Variants in FRMPD4 observed in about 807,000 individuals in gnomAD.
FRMPD4 encodes FERM and PDZ domain containing 4.
FRMPD4 carries 22 observed loss-of-function variants against 94.1 expected under a neutral mutation model. That is an observed-to-expected ratio of 0.23 (90% confidence interval 0.17 to 0.33). The LOEUF (loss-of-function observed/expected upper bound fraction) is 0.33. Among genes scored for constraint, FRMPD4 ranks in the 10% least tolerant of loss-of-function variants. FRMPD4 has a pLI of 1.00. For synonymous variants in FRMPD4, 631 were observed against 548.6 expected (o/e 1.15, Z -2.10); for missense variants, 1,111 against 1,339.9 (o/e 0.83, Z 2.67).
At chrX:12,677,704 G>A (rs1427738781) in intron 5 of FRMPD4, among the ~76,000 whole-genome samples, 1 of 111,578 alleles carries the variant, frequency 9.0e-6, no homozygotes, top group African/African-American at 3.3e-5. Flanking sequence ...TAAAGATAGA[G>A]AGCCAATGTT....
intron 3 of FRMPD4, among the ~76,000 whole-genome samples, chrX:11,892,910 C>T (rs762493038): frequency 8.0e-5 from 9 of 111,863 alleles, no homozygotes; most frequent in Non-Finnish European, 1.5e-4. Context: ...TACGTATACC[C>T]GGACGTCAAA....
intron 3 of FRMPD4, among the ~76,000 whole-genome samples, chrX:11,887,716 G>T (rs760425902): frequency 3.7e-4 from 42 of 112,064 alleles, no homozygotes; most frequent in African/African-American, 1.3e-3. Context: ...TGGTAGGAAG[G>T]TAGTATTATA....
chrX:12,341,779 A>T (rs992304648), intron 1 of FRMPD4: 1 of 205,117 alleles, frequency 4.9e-6, no homozygotes, highest in African/African-American at 2.9e-5. Flanking sequence ...AACAAAATGT[A>T]TGAACAACCT....
At chrX:12,301,459 T>G (rs5978512) in intron 1 of FRMPD4, among the ~76,000 whole-genome samples, 20,965 of 110,662 alleles carry the variant, frequency 0.19, 1,818 homozygotes, top group Admixed American at 0.43. Flanking sequence ...GCTCTGCTCC[T>G]TGTCTCACAC....
intron 1 of FRMPD4, among the ~76,000 whole-genome samples, chrX:12,334,570 C>A (rs2055485765): frequency 9.3e-6 from 1 of 107,792 alleles, no homozygotes; most frequent in African/African-American, 3.5e-5. Context: ...TGTTCCTCTG[C>A]ATAAATAGGT....
At chrX:12,069,273 G>T (rs1259999876) in intron 3 of FRMPD4, among the ~76,000 whole-genome samples, 1 of 111,548 alleles carries the variant, frequency 9.0e-6, no homozygotes, top group Non-Finnish European at 1.9e-5. Flanking sequence ...AAGTACATTG[G>T]GCTGGTCATT....
Position 12,380,138 on chromosome X carries a change from G to A in FRMPD4, c.42-118542G>A, listed in dbSNP as rs112792540. Among the ~76,000 whole-genome samples the A allele has an allele frequency of 8.4e-4, 94 of 112,038 alleles. 1 individual carries two copies. Among genetic ancestry groups the A allele is most frequent in the Admixed American group, 2.9e-3 (31 of 10,556 alleles). On this transcript the variant is annotated intron_variant, in intron 1 of 16. Transcript: ENST00000675598. Reference sequence around the variant, plus strand: ...TCAATTGTTCTGAGCCTATAAAAGCGTATCTATCTTTTCCACTCCGTTTTG... The same window carrying A: ...TCAATTGTTCTGAGCCTATAAAAGCATATCTATCTTTTCCACTCCGTTTTG...
At chrX:12,109,387 T>C (rs1476771776) in intron 3 of FRMPD4, among the ~76,000 whole-genome samples, 5 of 111,654 alleles carry the variant, frequency 4.5e-5, no homozygotes, top group South Asian at 3.8e-4. Context: ...AGAACAAAGG[T>C]ACAACATACC....
intron 1 of FRMPD4, among the ~76,000 whole-genome samples, chrX:12,165,703 C>A (rs752588998): frequency 6.3e-5 from 7 of 111,192 alleles, no homozygotes; most frequent in African/African-American, 2.0e-4. Context: ...TCTTCCATTT[C>A]TTTGTATCCT....
At chrX:11,949,215 T>C (rs1283306853) in intron 3 of FRMPD4, among the ~76,000 whole-genome samples, 1 of 111,996 alleles carries the variant, frequency 8.9e-6, no homozygotes, top group Non-Finnish European at 1.9e-5. Flanking sequence ...CTGAGTAACA[T>C]TGGCTCAGTG....
At chrX:12,377,651 G>A (rs1046854943) in intron 1 of FRMPD4, among the ~76,000 whole-genome samples, 3 of 112,516 alleles carry the variant, frequency 2.7e-5, no homozygotes, top group South Asian at 3.7e-4. Context: ...ATCTCCCTGG[G>A]TGCAGATGAG....
chrX:11,849,316 A>G (rs1165023332), intron 1 of FRMPD4, among the ~76,000 whole-genome samples: 1 of 111,844 alleles, frequency 8.9e-6, no homozygotes, highest in African/African-American at 3.2e-5. Context: ...TAAATGGGAG[A>G]TTTAATATCA....
intron 1 of FRMPD4, among the ~76,000 whole-genome samples, chrX:12,247,157 T>C (rs1465765147): frequency 2.7e-5 from 3 of 111,738 alleles, no homozygotes; most frequent in African/African-American, 6.5e-5. Flanking sequence ...AGGGCTATCC[T>C]GTGCATTGTA....
intron 1 of FRMPD4, among the ~76,000 whole-genome samples, chrX:12,261,209 C>T (rs1373357627): frequency 8.9e-6 from 1 of 111,762 alleles, no homozygotes; most frequent in African/African-American, 3.3e-5. Flanking sequence ...GATGATAGCT[C>T]ATCACCTTTA....
rs779608965 is a variant in FRMPD4 at position 12,620,314 on chromosome X, C to T, written c.422+5433C>T. Among the ~76,000 whole-genome samples the T allele has an allele frequency of 1.3e-3, 146 of 112,392 alleles. 1 individual carries two copies. The highest frequency in any genetic ancestry group is 4.4e-3 in the African/African-American group (135 of 30,957). ...ACAGTCCTTCCCACCCAGGAAACCA[C>T]GAGGAAGCATGTCCATCTGTGTCCC... On this transcript the variant is annotated intron_variant, in intron 4 of 16. Transcript: ENST00000675598.
At chrX:11,890,865 G>A (rs766768117) in intron 3 of FRMPD4, among the ~76,000 whole-genome samples, 15 of 111,761 alleles carry the variant, frequency 1.3e-4, no homozygotes, top group Non-Finnish European at 1.3e-4. Flanking sequence ...CTGGCTTGGT[G>A]AGCTGTCACT....
intron 1 of FRMPD4, among the ~76,000 whole-genome samples, chrX:12,214,850 A>G (rs917366700): frequency 9.0e-6 from 1 of 111,550 alleles, no homozygotes; most frequent in African/African-American, 3.3e-5. Context: ...AAATATATAA[A>G]TGTGACATAT....
intron 3 of FRMPD4, among the ~76,000 whole-genome samples, chrX:12,020,618 G>A (rs1261233363): frequency 8.9e-6 from 1 of 112,147 alleles, no homozygotes; most frequent in Non-Finnish European, 1.9e-5. Context: ...ACATGGAACT[G>A]CAGGGGAGGC....
At chrX:12,227,384 T>G (rs2056933641) in intron 1 of FRMPD4, among the ~76,000 whole-genome samples, 1 of 112,206 alleles carries the variant, frequency 8.9e-6, no homozygotes, top group South Asian at 3.7e-4. Flanking sequence ...CAGGAACTAG[T>G]TGAGAGCTTT....
Sources: allele counts gnomAD v4.1 joint callset (sites outside exome capture counted in the v4.1 genomes callset), GRCh38; gene constraint gnomAD v4.1.1; transcripts MANE v1.5; gene names NCBI Gene and HGNC (gene_info 2026-07-23, HGNC 2026-07-21).